The following TSN variants were observed in gnomAD, a reference collection of about 807,000 sequenced individuals.
The protein encoded by TSN is component 3 of promoter of RISC.
A neutral mutation model predicts 29.4 loss-of-function variants in TSN; 5 were observed. The ratio of observed to expected loss-of-function variants is 0.17; its 90% CI spans 0.09 to 0.36. TSN has a LOEUF of 0.36. TSN is among the 10% of genes least tolerant of loss of function. The pLI is 1.00. For missense variants in TSN, 159 were observed against 272.8 expected (o/e 0.58, Z 2.94); for synonymous variants, 106 against 102.2 (o/e 1.04, Z -0.23).
intron 1 of TSN, chr2:121,756,621 G>A: frequency 3.1e-6 from 4 of 1,298,318 alleles, no homozygotes; most frequent in Non-Finnish European, 4.1e-6. Context: ...AAATGAATTA[G>A]AGGCGGGGAG....
rs761971874 is a variant in TSN at position 121,765,123 on chromosome 2, TC to T, written c.454-9del. On this transcript the variant is annotated splice_polypyrimidine_tract_variant and intron_variant, in intron 5 of 5. Transcript: ENST00000389682. ...TTGTAACAAGCCCCTGTTTTCTCTT[TC>T]CTGGTACAGTCGAGGCTGTCTGTCA... 6 of 1,613,840 alleles carry T rather than the reference TC, an allele frequency of 3.7e-6. No individual in the cohort carries two copies. The highest frequency in any genetic ancestry group is 5.1e-6 in the Non-Finnish European group (6 of 1,179,794).
intron 3 of TSN, among the ~76,000 whole-genome samples, chr2:121,760,708 C>G (rs919605824): frequency 6.6e-6 from 1 of 152,082 alleles, no homozygotes; most frequent in East Asian, 1.9e-4. Context: ...GCACTCAAAT[C>G]AAAATGGAGG....
chr2:121,757,028 T>C (rs1050923040), intron 1 of TSN, among the ~76,000 whole-genome samples: 3 of 152,194 alleles, frequency 2.0e-5, no homozygotes, highest in African/African-American at 7.2e-5. Flanking sequence ...AATTGAATAC[T>C]TGGGTTTAAT....
At chr2:121,757,463 T>C in intron 2 of TSN, 130 bp downstream of exon 2, 1 of 1,532,644 alleles carries the variant, frequency 6.5e-7, no homozygotes, top group Non-Finnish European at 8.8e-7. Flanking sequence ...AGTAGGTGAT[T>C]TGATAATTTT....
chr2:121,760,318 C>T (rs994266676), intron 3 of TSN, among the ~76,000 whole-genome samples: 1 of 152,192 alleles, frequency 6.6e-6, no homozygotes, highest in Non-Finnish European at 1.5e-5. Context: ...CATCCGCCCC[C>T]CTTCTGTGGA....
chr2:121,755,674 A>T lies in TSN; in HGVS notation c.-106A>T, dbSNP rs2074732637. 4.8e-6 allele frequency: 7 copies of T among 1,461,116 alleles called. No individual in the cohort carries two copies. Among genetic ancestry groups the T allele is most frequent in the Non-Finnish European group, 6.6e-6 (7 of 1,061,818 alleles). 90.5% of individuals were successfully genotyped at this position (1,461,116 alleles called of 1,614,324 possible). ...ACGGTCGTGGCGTAAGACCGGGGGG[A>T]CGCGGCGGTAGCGGCGGCCGTTGCG... On this transcript the variant is annotated 5_prime_UTR_variant, in exon 1 of 6. Transcript: ENST00000389682.
intron 5 of TSN, among the ~76,000 whole-genome samples, chr2:121,764,143 A>G (rs2074872304): frequency 6.6e-6 from 1 of 152,154 alleles, no homozygotes; most frequent in African/African-American, 2.4e-5. Flanking sequence ...GCAGAAATGG[A>G]GTCTATTGGA....
intron 5 of TSN, 64 bp downstream of exon 5, chr2:121,763,148 T>G (rs2074853771): frequency 1.5e-6 from 2 of 1,325,146 alleles, no homozygotes; most frequent in Non-Finnish European, 2.1e-6. Context: ...TTTTTTTTTT[T>G]TTTTTTTTTT....
rs1435484912 is a variant in TSN, at chr2:121,766,638, G to T, written c.*1271G>T. ...TTTTCAGGTAGTACTAAGAGTATGT[G>T]CCAGGAAACTCTTGCTATTGAATTG... On this transcript the variant is annotated 3_prime_UTR_variant, in exon 6 of 6. Coordinates refer to ENST00000389682, the MANE Select transcript of TSN (RefSeq NM_004622.3). The T allele has an allele frequency of 1.3e-5, 2 of 152,298 alleles. No homozygotes were observed. The highest frequency in any genetic ancestry group is 3.9e-4 in the East Asian group (2 of 5,188). 9.4% of individuals were successfully genotyped at this position (152,298 alleles called of 1,614,324 possible). A position where few individuals can be genotyped will look rare whatever the true frequency, so the allele number is the denominator to read the frequency against.
intron 1 of TSN, chr2:121,756,560 C>T: frequency 1.9e-6 from 2 of 1,077,464 alleles, no homozygotes; most frequent in South Asian, 1.3e-5. Flanking sequence ...GCTTGGTTCC[C>T]CGGTATTTAC....
At chr2:121,765,029 G>T in intron 5 of TSN, 105 bp from the exon 6 acceptor site, 1 of 966,766 alleles carries the variant, frequency 1.0e-6, no homozygotes, top group South Asian at 1.5e-5. Flanking sequence ...TAGAAGATCA[G>T]CGTGGCTGTC....
intron 1 of TSN, chr2:121,756,691 G>A (rs950068278): frequency 3.2e-6 from 4 of 1,249,006 alleles, no homozygotes; most frequent in Non-Finnish European, 4.2e-6. Context: ...GATCACCTGA[G>A]GTAAGGAGTT....
chr2:121,757,723 C>G (rs577432750), intron 2 of TSN: 1 of 177,164 alleles, frequency 5.6e-6, no homozygotes, highest in Admixed American at 6.0e-5. Context: ...GTGGTGCCAT[C>G]TCAGCTCACT....
chr2:121,761,568 G>A, intron 4 of TSN, 44 bp downstream of exon 4: 2 of 1,477,902 alleles, frequency 1.4e-6, no homozygotes, highest in Non-Finnish European at 1.9e-6. Context: ...AGGCATGGTT[G>A]CTTACTTTTT....
In TSN at chr2:121,756,020, G is replaced by A. The variant is rs1283199155; in HGVS notation, c.66+175G>A. ...CCCCCGCCCAAAATTTTGCTGCTCT[G>A]TCCTGATTCCCCGTGTTCGAGTCTC... On this transcript the variant is annotated intron_variant, in intron 1 of 5. Coordinates refer to ENST00000389682, the MANE Select transcript of TSN (RefSeq NM_004622.3). The A allele has an allele frequency of 3.0e-6, 4 of 1,326,488 alleles. No individual in the cohort carries two copies. The African/African-American group carries it at 4.7e-5, about 16-fold the overall frequency. 82.2% of individuals were successfully genotyped at this position (1,326,488 alleles called of 1,614,324 possible). A position where few individuals can be genotyped will look rare whatever the true frequency, so the allele number is the denominator to read the frequency against.
chr2:121,761,366 A>G lies in TSN; in HGVS notation c.258-43A>G, dbSNP rs2074825653. Reference sequence around the variant, plus strand: ...GGCTGTATTAAACCCATCTTTCTGAAGGTCCCTAACCTTGGAGGCTAAATG... The same window carrying G: ...GGCTGTATTAAACCCATCTTTCTGAGGGTCCCTAACCTTGGAGGCTAAATG... On this transcript the variant is annotated intron_variant, in intron 3 of 5. Coordinates refer to ENST00000389682, the MANE Select transcript of TSN (RefSeq NM_004622.3). 2.8e-6 allele frequency: 4 copies of G among 1,429,290 alleles called. No individual in the cohort carries two copies. In the Admixed American group the frequency reaches 5.1e-5, roughly 18 times the overall value. The allele number at this position is 1,429,290 out of a possible 1,614,324, so 88.5% of individuals were successfully genotyped here.
Position 121,765,286 on chromosome 2 carries a change from G to A in TSN, c.606G>A (p.Val202=). 6.2e-7 allele frequency: 1 copy of A among 1,614,226 alleles called. No homozygotes were observed. Among genetic ancestry groups the A allele is most frequent in the Non-Finnish European group, 8.5e-7 (1 of 1,180,038 alleles). The part of the protein sequence containing the change: ...RKRYDGLKYD[V]KKVEEVVYDL... ...GCTACGACGGATTGAAATATGACGTGAAGAAAGTAGAGGAAGTGGTCTATG... is the reference window on the plus strand; with the variant it reads ...GCTACGACGGATTGAAATATGACGTAAAGAAAGTAGAGGAAGTGGTCTATG... The change falls in exon 6 of 6, where the codon GTG becomes GTA. Residue 202 remains valine (V), a synonymous_variant. Transcript: ENST00000389682.
intron 1 of TSN, chr2:121,756,198 C>G: frequency 3.1e-6 from 1 of 324,148 alleles, no homozygotes; most frequent in South Asian, 3.3e-5. Flanking sequence ...CTGCTTAAAA[C>G]TCTCCTGTGA....
In TSN at chr2:121,762,153, C is replaced by T. The variant is rs532352527; in HGVS notation, c.373+629C>T. ...AATTACAGGCATGCACCACCACACCCGGCTAATTTTGTATTTTTAGTAGAG... is the reference window on the plus strand; with the variant it reads ...AATTACAGGCATGCACCACCACACCTGGCTAATTTTGTATTTTTAGTAGAG... On this transcript the variant is annotated intron_variant, in intron 4 of 5. Coordinates refer to ENST00000389682, the MANE Select transcript of TSN (RefSeq NM_004622.3). Among the ~76,000 whole-genome samples the T allele has an allele frequency of 1.6e-4, 25 of 152,200 alleles. No homozygotes were observed. The East Asian group carries it at 3.5e-3, about 21-fold the overall frequency.
Sources: gnomAD v4.1 joint callset for allele counts (sites outside exome capture counted in the v4.1 genomes callset) on GRCh38, gnomAD v4.1.1 for gene constraint, MANE v1.5 for transcripts, NCBI Gene and HGNC (gene_info 2026-07-23, HGNC 2026-07-21) for gene names.